Variants in ADGRA3 observed in about 807,000 individuals in gnomAD.
ADGRA3 encodes the protein G-protein coupled receptor 125.
ADGRA3 carries 56 observed loss-of-function variants against 119.8 expected under a neutral mutation model. That is an observed-to-expected ratio of 0.47 (90% CI 0.38 to 0.58). The LOEUF is 0.58. Ranked by LOEUF, ADGRA3 falls within the 20% of genes least tolerant of loss-of-function variation. The pLI, the probability that ADGRA3 is intolerant of heterozygous loss-of-function variation, is 0.00. For missense variants in ADGRA3, 1,516 were observed against 1,649.0 expected (o/e 0.92, Z 1.40); for synonymous variants, 607 against 623.8 (o/e 0.97, Z 0.40).
intron 14 of ADGRA3, among the ~76,000 whole-genome samples, chr4:22,405,195 C>T (rs368936281): frequency 1.3e-5 from 2 of 152,146 alleles, no homozygotes; most frequent in African/African-American, 2.4e-5. Context: ...GACTAAAAGC[C>T]GATTTAGTTC....
At chr4:22,507,703 A>T (rs1232241571) in intron 1 of ADGRA3, among the ~76,000 whole-genome samples, 1 of 152,196 alleles carries the variant, frequency 6.6e-6, no homozygotes, top group African/African-American at 2.4e-5. Flanking sequence ...CTGTCATCAT[A>T]TCAGAAAAGC....
chr4:22,463,193 G>A (rs1457640283), intron 2 of ADGRA3, among the ~76,000 whole-genome samples: 1 of 152,184 alleles, frequency 6.6e-6, no homozygotes. Flanking sequence ...TCTTTATACA[G>A]CCACGTGTAA....
At chr4:22,509,738 C>T (rs1326439622) in intron 1 of ADGRA3, among the ~76,000 whole-genome samples, 1 of 151,480 alleles carries the variant, frequency 6.6e-6, no homozygotes, top group Non-Finnish European at 1.5e-5. Flanking sequence ...TGGCCGGGCG[C>T]GGTGGCTCAC....
intron 7 of ADGRA3, among the ~76,000 whole-genome samples, chr4:22,439,203 A>G (rs1050217561): frequency 9.2e-5 from 14 of 152,240 alleles, no homozygotes; most frequent in Non-Finnish European, 1.8e-4. Flanking sequence ...GGGTTACACT[A>G]GAAACAAACC....
intron 14 of ADGRA3, among the ~76,000 whole-genome samples, chr4:22,406,598 T>G (rs1714938139): frequency 6.6e-6 from 1 of 152,212 alleles, no homozygotes; most frequent in African/African-American, 2.4e-5. Flanking sequence ...GTCATTTGTA[T>G]GTCTTCTTTT....
chr4:22,433,978 G>A (rs1197443242), intron 10 of ADGRA3, among the ~76,000 whole-genome samples: 3 of 152,010 alleles, frequency 2.0e-5, no homozygotes, highest in South Asian at 4.1e-4. Flanking sequence ...GACAAGTGAG[G>A]TGGCCTATTT....
chr4:22,481,144 T>A (rs1718247974), intron 1 of ADGRA3, among the ~76,000 whole-genome samples: 1 of 152,184 alleles, frequency 6.6e-6, no homozygotes, highest in Non-Finnish European at 1.5e-5. Context: ...TAATAATATG[T>A]GTTATTGCTA....
At chr4:22,485,104 CAG>C (rs1718390994) in intron 1 of ADGRA3, among the ~76,000 whole-genome samples, 1 of 151,876 alleles carries the variant, frequency 6.6e-6, no homozygotes, top group Non-Finnish European at 1.5e-5. Flanking sequence ...TTTTTTGAGA[CAG>C]GGTCTCGCTC....
intron 9 of ADGRA3, among the ~76,000 whole-genome samples, chr4:22,436,093 T>C (rs993677991): frequency 5.3e-5 from 8 of 152,142 alleles, no homozygotes; most frequent in Non-Finnish European, 8.8e-5. Flanking sequence ...AGTTCAAGTA[T>C]TCTAAGCAAT....
chr4:22,394,244 TCTGCAGCAAACAC>T (rs1714257860), intron 16 of ADGRA3: 2 of 152,148 alleles, frequency 1.3e-5, no homozygotes, highest in Non-Finnish European at 2.9e-5. Flanking sequence ...TGAGAACCAA[TCTGCAGCAAACAC>T]TTGGTGACCT....
rs187042609 is a variant in ADGRA3, at chr4:22,512,324, T to C, written c.257+3204A>G. ...TTTTGCTACATGTGCACCCTGGTAA[T>C]AGAGCATTGACCATACTGTTCTGAG... On this transcript the variant is annotated intron_variant, in intron 1 of 18. Transcript: ENST00000334304. Among the ~76,000 whole-genome samples, 407 of 152,246 alleles carry C rather than the reference T, an allele frequency of 2.7e-3. 3 individuals are homozygous for C. Among genetic ancestry groups the C allele is most frequent in the Non-Finnish European group, 4.4e-3 (302 of 68,008 alleles).
chr4:22,501,033 C>CA (rs1719032567), intron 1 of ADGRA3, among the ~76,000 whole-genome samples: 1 of 152,138 alleles, frequency 6.6e-6, no homozygotes, highest in Non-Finnish European at 1.5e-5. Context: ...CCCTCCCGTC[C>CA]ACCTGATTCT....
chr4:22,510,883 C>G (rs1719427116), intron 1 of ADGRA3, among the ~76,000 whole-genome samples: 1 of 152,196 alleles, frequency 6.6e-6, no homozygotes, highest in Non-Finnish European at 1.5e-5. Context: ...TTTAATTGTT[C>G]CCTAAATGTC....
intron 7 of ADGRA3, 27 bp from the exon 8 acceptor site, chr4:22,438,447 G>C: frequency 6.3e-7 from 1 of 1,592,338 alleles, no homozygotes; most frequent in Non-Finnish European, 8.6e-7. Flanking sequence ...TTTAAAAAGA[G>C]AGAAAATATA....
chr4:22,432,225 C>G (rs1244886562), intron 10 of ADGRA3, among the ~76,000 whole-genome samples: 3 of 152,104 alleles, frequency 2.0e-5, no homozygotes. Flanking sequence ...TGAAACATCA[C>G]CTGAAACTGA....
chr4:22,448,733 A>T (rs73800964), intron 4 of ADGRA3, among the ~76,000 whole-genome samples: 1,922 of 152,310 alleles, frequency 0.013, 36 homozygotes, highest in African/African-American at 0.042. Context: ...GACCTTCAGC[A>T]AGAACAACAC....
At chr4:22,502,720 A>C (rs1719092426) in intron 1 of ADGRA3, among the ~76,000 whole-genome samples, 1 of 152,094 alleles carries the variant, frequency 6.6e-6, no homozygotes, top group African/African-American at 2.4e-5. Context: ...CTGGATCAAG[A>C]AATGAAAAAA....
rs144769754 is a variant in ADGRA3 at position 22,461,508 on chromosome 4, C to T, written c.401+229G>A. ...AGAGACGGGGTTTCACCACCTTGGC[C>T]AGGCTGGTCTTGAATTCCTGACCTC... On this transcript the variant is annotated intron_variant, in intron 3 of 18. Transcript: ENST00000334304. Among the ~76,000 whole-genome samples, 350 of 152,278 alleles carry T rather than the reference C, an allele frequency of 2.3e-3. 2 individuals are homozygous for T. Among genetic ancestry groups the T allele is most frequent in the African/African-American group, 7.9e-3 (327 of 41,564 alleles).
intron 16 of ADGRA3, among the ~76,000 whole-genome samples, chr4:22,397,115 T>A (rs995276922): frequency 4.6e-5 from 7 of 151,902 alleles, no homozygotes; most frequent in Non-Finnish European, 7.4e-5. Context: ...CCAGCATCTA[T>A]TATGGGTCAG....
Sources: gnomAD v4.1 joint callset for allele counts (sites outside exome capture counted in the v4.1 genomes callset) on GRCh38, gnomAD v4.1.1 for gene constraint, MANE v1.5 for transcripts, NCBI Gene and HGNC (gene_info 2026-07-23, HGNC 2026-07-21) for gene names.